AXIN1: variants seen among roughly 807,000 people sequenced by gnomAD.
AXIN1 encodes axin-1.
In AXIN1, 30 loss-of-function variants were observed where a neutral mutation model predicts 76.4. The observed-to-expected ratio is 0.39, with a 90% CI of 0.29 to 0.53. The LOEUF is 0.53. Ranked by LOEUF, AXIN1 falls within the 20% of genes least tolerant of loss-of-function variation. The pLI is 0.66. For synonymous variants in AXIN1, 545 were observed against 501.4 expected, an observed-to-expected ratio of 1.09 and a Z score of -1.16; for missense variants, 1,140 against 1,198.8, an observed-to-expected ratio of 0.95 and a Z score of 0.72.
intron 2 of AXIN1, among the ~76,000 whole-genome samples, chr16:332,503 G>A (rs1038143245): frequency 6.6e-6 from 1 of 151,492 alleles, no homozygotes; most frequent in East Asian, 2.0e-4. Flanking sequence ...GTGAACCCGG[G>A]AGGTGGAGGT....
intron 2 of AXIN1, among the ~76,000 whole-genome samples, chr16:340,030 T>C (rs114234329): frequency 0.056 from 8,512 of 151,774 alleles, 644 homozygotes; most frequent in African/African-American, 0.17. Context: ...GCCCTTTCTT[T>C]TTCTTCTTCT....
chr16:333,763 C>T (rs931238525), intron 2 of AXIN1, among the ~76,000 whole-genome samples: 2 of 151,924 alleles, frequency 1.3e-5, no homozygotes, highest in Admixed American at 6.6e-5. Context: ...TTGGCATGAG[C>T]GCATAACACC....
In AXIN1 at chr16:329,075, C is replaced by T. The variant is rs190576200; in HGVS notation, c.879-14392G>A. Among the ~76,000 whole-genome samples the T allele has an allele frequency of 8.5e-5, 13 of 152,094 alleles. No homozygotes were observed. In the East Asian group the frequency reaches 9.7e-4, roughly 11 times the overall value. On this transcript the variant is annotated intron_variant, in intron 2 of 10. Coordinates refer to ENST00000262320, the MANE Select transcript of AXIN1 (RefSeq NM_003502.4). Reference sequence around the variant, plus strand: ...AGGGAGGATCACGACGTCAGGAGTTCGAGACCAGCCTGACCGACATGGTGA... The same window carrying T: ...AGGGAGGATCACGACGTCAGGAGTTTGAGACCAGCCTGACCGACATGGTGA...
At chr16:313,666 G>A (rs1281263800) in intron 3 of AXIN1, among the ~76,000 whole-genome samples, 1 of 152,242 alleles carries the variant, frequency 6.6e-6, no homozygotes, top group African/African-American at 2.4e-5. Flanking sequence ...GAGCTGGGAA[G>A]GTCTGAGCTT....
In AXIN1 at chr16:331,989, G is replaced by T. The variant is rs1039567610; in HGVS notation, c.878+14159C>A. On this transcript the variant is annotated intron_variant, in intron 2 of 10. Coordinates refer to ENST00000262320, the MANE Select transcript of AXIN1 (RefSeq NM_003502.4). ...GCCCGACCCTGACTACAGCAGATGG[G>T]AAGTTACTTAATCTCCCAGGGCCTC... Among the ~76,000 whole-genome samples, 16 of 152,168 alleles carry T rather than the reference G, an allele frequency of 1.1e-4. 1 individual carries two copies. In the South Asian group the frequency reaches 2.1e-3, roughly 20 times the overall value.
intron 3 of AXIN1, among the ~76,000 whole-genome samples, chr16:314,239 T>C (rs546791414): frequency 2.4e-4 from 36 of 152,330 alleles, no homozygotes; most frequent in Admixed American, 3.9e-4. Context: ...CCCTCACTTG[T>C]ACTGCTTGGA....
At chr16:309,395 C>T (rs1056892140) in intron 4 of AXIN1, among the ~76,000 whole-genome samples, 4 of 152,330 alleles carry the variant, frequency 2.6e-5, no homozygotes, top group East Asian at 1.9e-4. Context: ...TGTTCATCAG[C>T]GCAGGAATGC....
chr16:320,671 A>G (rs898705787), intron 2 of AXIN1, among the ~76,000 whole-genome samples: 1 of 150,108 alleles, frequency 6.7e-6, no homozygotes, highest in African/African-American at 2.4e-5. Context: ...ATATATGTAA[A>G]TGTATATATG....
At chr16:313,545 G>A (rs1186450279) in intron 3 of AXIN1, among the ~76,000 whole-genome samples, 2 of 152,226 alleles carry the variant, frequency 1.3e-5, no homozygotes, top group Admixed American at 1.3e-4. Flanking sequence ...GTTCATAGCC[G>A]CTGGCTTCCT....
At chr16:322,301 C>T (rs1657935428) in intron 2 of AXIN1, among the ~76,000 whole-genome samples, 1 of 152,216 alleles carries the variant, frequency 6.6e-6, no homozygotes, top group African/African-American at 2.4e-5. Flanking sequence ...CCAGGGATGG[C>T]CCTGCTGGTA....
At chr16:299,791 G>A (rs1450609915) in intron 5 of AXIN1, among the ~76,000 whole-genome samples, 3 of 152,084 alleles carry the variant, frequency 2.0e-5, no homozygotes, top group Admixed American at 2.0e-4. Context: ...CAGTAGCTGG[G>A]ACTACAGGTG....
chr16:289,341 G>A, intron 10 of AXIN1, 99 bp downstream of exon 10: 4 of 1,498,660 alleles, frequency 2.7e-6, no homozygotes, highest in Non-Finnish European at 3.7e-6. Context: ...GCCAGGATTA[G>A]GACGTGAGCC....
chr16:342,672 G>A (rs1424817827), intron 2 of AXIN1, among the ~76,000 whole-genome samples: 1 of 152,238 alleles, frequency 6.6e-6, no homozygotes, highest in African/African-American at 2.4e-5. Context: ...ACGGGACACA[G>A]CGGCACACGT....
intron 5 of AXIN1, among the ~76,000 whole-genome samples, chr16:303,106 C>T (rs1229295066): frequency 6.6e-6 from 1 of 152,240 alleles, no homozygotes; most frequent in Non-Finnish European, 1.5e-5. Flanking sequence ...AAGTGCTTCA[C>T]TCGCCTCAGC....
intron 5 of AXIN1, 34 bp from the exon 6 acceptor site, chr16:298,285 G>T (rs1284468363): frequency 6.5e-7 from 1 of 1,536,810 alleles, no homozygotes. Context: ...TCACCTCTCA[G>T]CACCAGCTGC....
At chr16:328,769 G>C (rs1387376656) in intron 2 of AXIN1, among the ~76,000 whole-genome samples, 2 of 152,206 alleles carry the variant, frequency 1.3e-5, no homozygotes. Context: ...TCATGATTTT[G>C]AAAGGCACAT....
At chr16:305,157 A>C (rs1035385707) in intron 4 of AXIN1, among the ~76,000 whole-genome samples, 1 of 152,240 alleles carries the variant, frequency 6.6e-6, no homozygotes, top group African/African-American at 2.4e-5. Context: ...GGTCTGGGAA[A>C]GGCAGGCTTT....
intron 2 of AXIN1, among the ~76,000 whole-genome samples, chr16:322,729 C>G (rs1016321451): frequency 2.0e-5 from 3 of 152,182 alleles, no homozygotes; most frequent in African/African-American, 7.2e-5. Flanking sequence ...TCCCGGGGAC[C>G]CTCTTCATTT....
At chr16:338,650 C>G (rs928583565) in intron 2 of AXIN1, among the ~76,000 whole-genome samples, 1 of 152,220 alleles carries the variant, frequency 6.6e-6, no homozygotes, top group Non-Finnish European at 1.5e-5. Flanking sequence ...GGACTGGGCA[C>G]AGTGGCTCAC....
Sources: allele counts gnomAD v4.1 joint callset (sites outside exome capture counted in the v4.1 genomes callset), GRCh38; gene constraint gnomAD v4.1.1; transcripts MANE v1.5; gene names NCBI Gene and HGNC (gene_info 2026-07-23, HGNC 2026-07-21).